RGL1: variants seen among roughly 807,000 people sequenced by gnomAD.
RGL1 encodes the protein ral guanine nucleotide dissociation stimulator like 1.
Under a neutral mutation model 95.2 loss-of-function variants are expected in RGL1, and 24 were observed. The ratio of observed to expected loss-of-function variants is 0.25; its 90% confidence interval spans 0.18 to 0.35. The LOEUF is 0.35. RGL1 is among the 10% of genes least tolerant of loss of function. The probability of loss-of-function intolerance (pLI) is 1.00; values close to 1 mark genes in which losing one functional copy is unlikely to be tolerated. For synonymous variants in RGL1, 329 were observed against 344.9 expected (o/e 0.95, Z 0.51); for missense variants, 715 against 936.3 (o/e 0.76, Z 3.08).
At chr1:183,919,827 C>T (rs559068123) in intron 16 of RGL1, among the ~76,000 whole-genome samples, 41 of 152,248 alleles carry the variant, frequency 2.7e-4, no homozygotes, top group African/African-American at 9.2e-4. Flanking sequence ...CGTTCAGTAC[C>T]GCGCATTCAG....
At chr1:183,738,569 G>A (rs1442341567) in intron 1 of RGL1, among the ~76,000 whole-genome samples, 1 of 152,052 alleles carries the variant, frequency 6.6e-6, no homozygotes, top group Admixed American at 6.5e-5. Flanking sequence ...TCTTTTTAGC[G>A]GAATAGGTAG....
chr1:183,636,786 A>G (rs895932961), intron 1 of RGL1, among the ~76,000 whole-genome samples: 4 of 152,196 alleles, frequency 2.6e-5, no homozygotes, highest in African/African-American at 9.6e-5. Context: ...AATATTTGAC[A>G]TCCCCATTTC....
rs535779001 is a variant in RGL1 at position 183,687,954 on chromosome 1, T to C, written c.-33+51453T>C. 6.6e-5 allele frequency among the ~76,000 whole-genome samples: 10 copies of C among 152,246 alleles called. No homozygotes were observed. The East Asian group carries it at 1.9e-3, about 29-fold the overall frequency. On this transcript the variant is annotated intron_variant, in intron 1 of 18. Transcript: ENST00000304685. ...ATTGGTCATTCTATATCTAGTGTAA[T>C]GGAAAAGGTATTTTGTGTCAGCAAG...
chr1:183,877,570 C>T (rs1367762074), intron 4 of RGL1, among the ~76,000 whole-genome samples: 4 of 152,202 alleles, frequency 2.6e-5, no homozygotes, highest in Admixed American at 6.5e-5. Context: ...AAACGCTCTG[C>T]CGATGAGGAG....
intron 8 of RGL1, among the ~76,000 whole-genome samples, chr1:183,890,334 G>C (rs114113318): frequency 0.023 from 3,432 of 152,188 alleles, 63 homozygotes; most frequent in Non-Finnish European, 0.033. Flanking sequence ...TAATGGACTT[G>C]TATCTTAGTC....
chr1:183,870,824 T>C (rs1261060219), intron 4 of RGL1, among the ~76,000 whole-genome samples: 2 of 152,200 alleles, frequency 1.3e-5, no homozygotes, highest in Non-Finnish European at 2.9e-5. Flanking sequence ...TTTCTCTATT[T>C]GTGTCTCTTT....
At chr1:183,640,022 A>G (rs1649816537) in intron 1 of RGL1, among the ~76,000 whole-genome samples, 1 of 151,958 alleles carries the variant, frequency 6.6e-6, no homozygotes, top group Non-Finnish European at 1.5e-5. Context: ...TTATATTTTT[A>G]GTAGAGACGG....
At chr1:183,688,539 G>C (rs549590089) in intron 1 of RGL1, among the ~76,000 whole-genome samples, 1 of 152,178 alleles carries the variant, frequency 6.6e-6, no homozygotes, top group African/African-American at 2.4e-5. Flanking sequence ...AAAGTATTAA[G>C]TGCCAAGACT....
intron 2 of RGL1, among the ~76,000 whole-genome samples, chr1:183,796,698 A>G (rs1254907761): frequency 6.6e-6 from 1 of 152,140 alleles, no homozygotes; most frequent in Non-Finnish European, 1.5e-5. Flanking sequence ...CTATTATGAA[A>G]AAGGAGATTC....
intron 1 of RGL1, among the ~76,000 whole-genome samples, chr1:183,688,138 G>A (rs965052560): frequency 6.6e-6 from 1 of 152,108 alleles, no homozygotes; most frequent in African/African-American, 2.4e-5. Context: ...CAATACAAGT[G>A]TAATATATTA....
chr1:183,863,830 G>T (rs911855200), intron 3 of RGL1, among the ~76,000 whole-genome samples: 2 of 152,134 alleles, frequency 1.3e-5, no homozygotes, highest in Non-Finnish European at 2.9e-5. Context: ...TTATCAAGCA[G>T]TCACTCTGAT....
intron 14 of RGL1, among the ~76,000 whole-genome samples, chr1:183,907,463 A>T (rs1668403908): frequency 6.6e-6 from 1 of 152,204 alleles, no homozygotes. Context: ...TTATTTTAAA[A>T]TAAAACCCAA....
Position 183,752,674 on chromosome 1 carries a change from T to TTCTC in RGL1, c.132+10413_132+10416dup, listed in dbSNP as rs71130636. ...AACAGTAACACATCTCTTTCTCTCT[T>TTCTC]TCTCTCTCTCTCTCTCTCTCTCTCT... is the stretch of plus-strand genomic sequence containing the variant. On this transcript the variant is annotated intron_variant, in intron 2 of 18. Transcript: ENST00000304685. Among the ~76,000 whole-genome samples, 274 of 31,316 alleles carry TTCTC rather than the reference T, an allele frequency of 8.7e-3. 5 individuals are homozygous for TTCTC. The highest frequency in any genetic ancestry group is 0.025 in the African/African-American group (173 of 6,908). 20.5% of individuals were successfully genotyped at this position (31,316 alleles called of 152,430 possible).
At chr1:183,925,625 A>AT (rs1317106541) in intron 17 of RGL1, among the ~76,000 whole-genome samples, 2 of 152,222 alleles carry the variant, frequency 1.3e-5, no homozygotes, top group Admixed American at 6.5e-5. Context: ...AAATATTTCA[A>AT]TATTTCAAGT....
At chr1:183,710,734 A>T (rs1367651769) in intron 1 of RGL1, among the ~76,000 whole-genome samples, 3 of 151,978 alleles carry the variant, frequency 2.0e-5, no homozygotes, top group African/African-American at 7.3e-5. Context: ...TCTCATGAGA[A>T]CTCCCTCACT....
chr1:183,832,637 G>T (rs1188333963), intron 2 of RGL1, among the ~76,000 whole-genome samples: 1 of 151,640 alleles, frequency 6.6e-6, no homozygotes, highest in African/African-American at 2.4e-5. Flanking sequence ...GAGATAGTGT[G>T]GTTAAGTCTG....
intron 1 of RGL1, among the ~76,000 whole-genome samples, chr1:183,691,877 C>G (rs1390565245): frequency 6.6e-6 from 1 of 151,956 alleles, no homozygotes; most frequent in African/African-American, 2.4e-5. Context: ...GAAAAATGCT[C>G]AGATCATACA....
intron 2 of RGL1, among the ~76,000 whole-genome samples, chr1:183,771,217 T>C (rs1659254794): frequency 6.6e-6 from 1 of 152,090 alleles, no homozygotes; most frequent in African/African-American, 2.4e-5. Context: ...GAATGAGTCC[T>C]GCTTTCACTA....
chr1:183,718,780 G>T (rs1209345572), intron 1 of RGL1, among the ~76,000 whole-genome samples: 1 of 152,004 alleles, frequency 6.6e-6, no homozygotes, highest in Non-Finnish European at 1.5e-5. Context: ...GGGCATGGTG[G>T]CACATTACTG....
Sources: allele counts gnomAD v4.1 joint callset (sites outside exome capture counted in the v4.1 genomes callset), GRCh38; gene constraint gnomAD v4.1.1; transcripts MANE v1.5; gene names NCBI Gene and HGNC (gene_info 2026-07-23, HGNC 2026-07-21).